NRXN3: variants seen among roughly 807,000 people sequenced by gnomAD.
The protein encoded by NRXN3 is neurexin 3.
In NRXN3, 32 loss-of-function variants were observed where a neutral mutation model predicts 137.6. The observed-to-expected ratio is 0.23, with a 90% CI of 0.18 to 0.31. The LOEUF (loss-of-function observed/expected upper bound fraction) is 0.31. Ranked by LOEUF, NRXN3 falls within the 10% of genes least tolerant of loss-of-function variation. The pLI is 1.00. For synonymous variants in NRXN3, 798 were observed against 784.5 expected (o/e 1.02, Z -0.29); for missense variants, 1,574 against 2,062.5 (o/e 0.76, Z 4.59).
At chr14:79,697,463 A>C (rs2154029327) in intron 18 of NRXN3, among the ~76,000 whole-genome samples, 167 bp from the exon 19 acceptor site, 1 of 152,076 alleles carries the variant, frequency 6.6e-6, no homozygotes, top group Non-Finnish European at 1.5e-5. Flanking sequence ...AGATAACCAT[A>C]ATGAAATGTT....
chr14:78,897,351 T>G lies in NRXN3; in HGVS notation c.2276-59891T>G, dbSNP rs368829173. 2.8e-4 allele frequency among the ~76,000 whole-genome samples: 43 copies of G among 152,056 alleles called. No individual in the cohort carries two copies. In the East Asian group the frequency reaches 8.0e-3, roughly 28 times the overall value. On this transcript the variant is annotated intron_variant, in intron 10 of 20. Transcript: ENST00000335750. ...ACAGTAACAGTAGGAGATATTGCTT[T>G]TTTTTTCTTTCTTTTTTTTTGACAA...
intron 16 of NRXN3, among the ~76,000 whole-genome samples, chr14:79,548,096 G>T (rs563121836): frequency 5.3e-5 from 8 of 152,022 alleles, no homozygotes; most frequent in East Asian, 1.9e-4. Flanking sequence ...GTGCAGGTTT[G>T]TTACATAGGT....
At chr14:79,414,466 C>G (rs1410287690) in intron 15 of NRXN3, among the ~76,000 whole-genome samples, 1 of 152,008 alleles carries the variant, frequency 6.6e-6, no homozygotes, top group Non-Finnish European at 1.5e-5. Flanking sequence ...ATTTTGAATT[C>G]TGATCTAAAC....
chr14:78,596,202 C>G (rs972979836), intron 4 of NRXN3, among the ~76,000 whole-genome samples: 2 of 152,188 alleles, frequency 1.3e-5, no homozygotes, highest in Non-Finnish European at 2.9e-5. Context: ...CACTGGATCT[C>G]TAGATACAGG....
intron 15 of NRXN3, among the ~76,000 whole-genome samples, chr14:79,220,435 C>A (rs1045834286): frequency 6.6e-6 from 1 of 152,152 alleles, no homozygotes; most frequent in African/African-American, 2.4e-5. Flanking sequence ...ACATTTCTTA[C>A]AATTGATGAA....
intron 10 of NRXN3, among the ~76,000 whole-genome samples, chr14:78,950,956 A>G (rs779754193): frequency 1.3e-5 from 2 of 152,052 alleles, no homozygotes; most frequent in Non-Finnish European, 2.9e-5. Flanking sequence ...GGCTGTTTTC[A>G]TCTACCCAGT....
chr14:79,082,157 A>G (rs1207251774), intron 15 of NRXN3, among the ~76,000 whole-genome samples: 2 of 151,980 alleles, frequency 1.3e-5, no homozygotes, highest in Non-Finnish European at 2.9e-5. Flanking sequence ...CTACCTATAC[A>G]TATATACATC....
intron 4 of NRXN3, among the ~76,000 whole-genome samples, chr14:78,557,385 C>T (rs1385733090): frequency 6.6e-6 from 1 of 151,930 alleles, no homozygotes; most frequent in Non-Finnish European, 1.5e-5. Context: ...CCTCTTCCCT[C>T]CTGCTTAATT....
intron 15 of NRXN3, among the ~76,000 whole-genome samples, chr14:79,459,088 G>C (rs536999676): frequency 6.6e-6 from 1 of 151,962 alleles, no homozygotes; most frequent in Non-Finnish European, 1.5e-5. Flanking sequence ...ATAATGAAAA[G>C]AATGTAGATT....
chr14:79,445,778 A>G (rs2096054255), intron 15 of NRXN3, among the ~76,000 whole-genome samples: 1 of 152,216 alleles, frequency 6.6e-6, no homozygotes, highest in Non-Finnish European at 1.5e-5. Context: ...AAAAGGAAGT[A>G]TGAGGCCAGG....
At chr14:79,235,088 C>T (rs1215539585) in intron 15 of NRXN3, among the ~76,000 whole-genome samples, 4 of 152,056 alleles carry the variant, frequency 2.6e-5, no homozygotes, top group Admixed American at 2.6e-4. Flanking sequence ...TGAATTCCCC[C>T]TTATCCCTTG....
At chr14:78,644,324 A>G (rs901317745) in intron 4 of NRXN3, among the ~76,000 whole-genome samples, 1 of 152,060 alleles carries the variant, frequency 6.6e-6, no homozygotes, top group African/African-American at 2.4e-5. Flanking sequence ...TCTTGGCCCC[A>G]TGGAACTCTA....
At chr14:78,473,626 A>G (rs1029557851) in intron 4 of NRXN3, among the ~76,000 whole-genome samples, 1 of 152,198 alleles carries the variant, frequency 6.6e-6, no homozygotes. Flanking sequence ...TTTAGACAAT[A>G]ATAAACATTT....
chr14:78,958,416 C>T (rs1318322033), intron 11 of NRXN3, among the ~76,000 whole-genome samples: 13 of 150,404 alleles, frequency 8.6e-5, no homozygotes, highest in South Asian at 2.1e-4. Context: ...AGTGCAGTGG[C>T]GCGATCTTGG....
chr14:79,482,765 A>G (rs1399076655), intron 16 of NRXN3, among the ~76,000 whole-genome samples: 1 of 152,148 alleles, frequency 6.6e-6, no homozygotes, highest in Non-Finnish European at 1.5e-5. Flanking sequence ...TCTCTGGTGG[A>G]AAGACTGCAC....
At chr14:79,030,646 T>TTA (rs2099606694) in intron 15 of NRXN3, among the ~76,000 whole-genome samples, 1 of 148,324 alleles carries the variant, frequency 6.7e-6, no homozygotes, top group Non-Finnish European at 1.5e-5. Context: ...TTTTTTTTTT[T>TTA]TTTTTTTTTT....
intron 15 of NRXN3, among the ~76,000 whole-genome samples, chr14:79,174,014 A>G (rs1266704391): frequency 6.6e-6 from 1 of 152,198 alleles, no homozygotes; most frequent in Non-Finnish European, 1.5e-5. Context: ...TCCCAGTTGC[A>G]AGGACAACTG....
chr14:79,053,061 A>G (rs187772014), intron 15 of NRXN3, among the ~76,000 whole-genome samples: 8 of 152,268 alleles, frequency 5.3e-5, no homozygotes, highest in African/African-American at 7.2e-5. Flanking sequence ...TTGATTTAAA[A>G]CTCATCATGT....
At chr14:79,348,115 A>G (rs1296407428) in intron 15 of NRXN3, among the ~76,000 whole-genome samples, 1 of 152,060 alleles carries the variant, frequency 6.6e-6, no homozygotes, top group Non-Finnish European at 1.5e-5. Flanking sequence ...TATTTCCATC[A>G]TTGTTAACAG....
Sources: allele counts gnomAD v4.1 joint callset (sites outside exome capture counted in the v4.1 genomes callset), GRCh38; gene constraint gnomAD v4.1.1; transcripts MANE v1.5; gene names NCBI Gene and HGNC (gene_info 2026-07-23, HGNC 2026-07-21).